Variants in PHC3 observed in about 807,000 individuals in gnomAD.
PHC3 encodes polyhomeotic homolog 3.
Under a neutral mutation model 107.4 loss-of-function variants are expected in PHC3, and 13 were observed. The ratio of observed to expected loss-of-function variants is 0.12; its 90% CI spans 0.08 to 0.19. PHC3 has a LOEUF of 0.19. PHC3 is among the 10% of genes least tolerant of loss of function. PHC3 has a pLI of 1.00. For synonymous variants in PHC3, 456 were observed against 427.4 expected (o/e 1.07, Z -0.83); for missense variants, 992 against 1,210.9 (o/e 0.82, Z 2.68).
chr3:170,099,591 T>G (rs181078128), intron 14 of PHC3, among the ~76,000 whole-genome samples: 110 of 152,256 alleles, frequency 7.2e-4, no homozygotes, highest in African/African-American at 2.6e-3. Context: ...TGAGCTAGCT[T>G]CACCTCACCA....
At chr3:170,136,817 G>A in intron 6 of PHC3, 152 bp from the exon 7 acceptor site, 1 of 766,572 alleles carries the variant, frequency 1.3e-6, no homozygotes, top group Non-Finnish European at 1.9e-6. Flanking sequence ...TAATCCTTAA[G>A]GAAAGGAGAG....
intron 2 of PHC3, among the ~76,000 whole-genome samples, chr3:170,174,962 C>T (rs1480401682): frequency 6.6e-6 from 1 of 152,150 alleles, no homozygotes; most frequent in African/African-American, 2.4e-5. Flanking sequence ...ACTGAAATAA[C>T]AATCTATTTG....
chr3:170,102,329 CAG>C (rs1257176173), intron 14 of PHC3, 148 bp downstream of exon 14: 4 of 1,448,128 alleles, frequency 2.8e-6, no homozygotes, highest in Non-Finnish European at 3.6e-6. Flanking sequence ...CAAGAGGAAA[CAG>C]ATCATATTTC....
At position 170,152,867 on chromosome 3, in the gene PHC3, G is replaced by A. The variant is rs570663774; in HGVS notation, c.415-3623C>T. On this transcript the variant is annotated intron_variant, in intron 4 of 14. Transcript: ENST00000495893. The stretch of plus-strand genomic sequence containing the variant: ...TGTAGAGACAGGGTTTCATCATGTT[G>A]CCCAAGCTTGCCTCAAACTCCTGGG... Among the ~76,000 whole-genome samples, 1,240 of 151,672 alleles carry A rather than the reference G, an allele frequency of 8.2e-3. 18 individuals carry two copies. The highest frequency in any genetic ancestry group is 0.028 in the African/African-American group (1,175 of 41,360).
intron 6 of PHC3, among the ~76,000 whole-genome samples, chr3:170,142,351 G>A (rs556172043): frequency 3.9e-5 from 6 of 152,036 alleles, no homozygotes; most frequent in African/African-American, 1.4e-4. Flanking sequence ...TCCAAAGTCC[G>A]TATTATAAAC....
intron 4 of PHC3, among the ~76,000 whole-genome samples, chr3:170,151,219 GTAA>G (rs1240504588): frequency 2.0e-5 from 3 of 151,802 alleles, no homozygotes; most frequent in African/African-American, 7.3e-5. Context: ...TCAAATACTA[GTAA>G]TAATAATAAT....
chr3:170,129,576 T>TAGTA, intron 7 of PHC3, 24 bp from the exon 8 acceptor site: 1 of 1,570,548 alleles, frequency 6.4e-7, no homozygotes, highest in East Asian at 2.2e-5. Flanking sequence ...AAATGACAAT[T>TAGTA]AGTACTGATT....
At chr3:170,123,981 G>C (rs113864138) in intron 8 of PHC3, among the ~76,000 whole-genome samples, 1 of 151,926 alleles carries the variant, frequency 6.6e-6, no homozygotes, top group East Asian at 2.0e-4. Context: ...CCGAGTAGCT[G>C]GGACTACAGG....
chr3:170,107,115 C>T lies in PHC3; in HGVS notation c.2354-169G>A, dbSNP rs550278787. 3.9e-5 allele frequency among the ~76,000 whole-genome samples: 6 copies of T among 152,322 alleles called. No homozygotes were observed. The South Asian group carries it at 8.3e-4, about 21-fold the overall frequency. On this transcript the variant is annotated intron_variant, in intron 11 of 14. Coordinates refer to ENST00000495893, the MANE Select transcript of PHC3 (RefSeq NM_024947.4). ...AGCCTTCAAAACACAACCACTGCTA[C>T]TAATTCCCTCTTGCTTCTGCATAAA...
chr3:170,146,705 G>A (rs1725023303), intron 5 of PHC3, among the ~76,000 whole-genome samples: 2 of 150,380 alleles, frequency 1.3e-5, no homozygotes, highest in African/African-American at 4.9e-5. Context: ...GCTAATTTTT[G>A]TATTATTAGT....
chr3:170,111,317 GGAACGAACGAAC>G (rs1252000410), intron 11 of PHC3, among the ~76,000 whole-genome samples: 2 of 107,516 alleles, frequency 1.9e-5, no homozygotes, highest in South Asian at 3.1e-4. Context: ...AAGGAAGGAA[GGAACGAACGAAC>G]GAAAGAACAA....
At chr3:170,135,115 G>A (rs573617620) in intron 7 of PHC3, among the ~76,000 whole-genome samples, 1 of 152,226 alleles carries the variant, frequency 6.6e-6, no homozygotes, top group South Asian at 2.1e-4. Flanking sequence ...CTTACCCGAT[G>A]AGGTTGCTGG....
intron 10 of PHC3, 94 bp from the exon 11 acceptor site, chr3:170,113,613 G>C (rs1317554829): frequency 8.2e-7 from 1 of 1,222,242 alleles, no homozygotes; most frequent in African/African-American, 1.5e-5. Flanking sequence ...AAACCTATTT[G>C]TGATAATTTA....
intron 7 of PHC3, 140 bp downstream of exon 7, chr3:170,136,279 T>C (rs1477903746): frequency 9.9e-7 from 1 of 1,009,878 alleles, no homozygotes; most frequent in Non-Finnish European, 1.4e-6. Flanking sequence ...AAGCTACACA[T>C]TAAGATTAAG....
At chr3:170,139,718 A>G (rs1560082519) in intron 6 of PHC3, among the ~76,000 whole-genome samples, 1 of 152,218 alleles carries the variant, frequency 6.6e-6, no homozygotes, top group Non-Finnish European at 1.5e-5. Flanking sequence ...TGACTTAAAC[A>G]TTGACATGGT....
intron 8 of PHC3, among the ~76,000 whole-genome samples, chr3:170,126,528 A>ATATATATATATATATATATATATAT (rs370421296): frequency 1.1e-4 from 10 of 90,618 alleles, no homozygotes; most frequent in African/African-American, 4.5e-4. Flanking sequence ...ATATATATAT[A>ATATATATATATATATATATATATAT]TTTTTTTTTT....
Position 170,181,703 on chromosome 3 carries a change from C to T in PHC3, c.13G>A (p.Glu5Lys). MAEA[E>K]FKDHSTAMDT... ...ATCAGTCACCATCTAGTCACTCACTCCGCTTCCGCCATCTTCTCTCCTCCA... is the reference window on the plus strand; with the variant it reads ...ATCAGTCACCATCTAGTCACTCACTTCGCTTCCGCCATCTTCTCTCCTCCA... Residue 5 changes from glutamate to lysine, a missense_variant and splice_region_variant, in exon 1 of 15, where the codon GAA becomes AAA. Transcript: ENST00000495893. 1.2e-6 allele frequency: 2 copies of T among 1,613,332 alleles called. No individual in the cohort carries two copies. The highest frequency in any genetic ancestry group is 4.5e-5 in the East Asian group (2 of 44,836).
intron 4 of PHC3, among the ~76,000 whole-genome samples, chr3:170,169,139 C>T (rs976668357): frequency 1.3e-5 from 2 of 152,058 alleles, no homozygotes; most frequent in South Asian, 4.2e-4. Flanking sequence ...TACACAGTTC[C>T]CCCAGGTGGT....
chr3:170,097,314 T>G lies in PHC3; in HGVS notation c.2904A>C (p.Glu968Asp). 6.2e-7 allele frequency: 1 copy of G among 1,613,660 alleles called. No individual in the cohort carries two copies. Among genetic ancestry groups the G allele is most frequent in the Non-Finnish European group, 8.5e-7 (1 of 1,179,644 alleles). ...IDGQALLLLKEDHLMSAMNIK... is the reference protein window; with the variant it reads ...IDGQALLLLKDDHLMSAMNIK... Reference sequence around the variant, plus strand: ...TATTCATTGCACTCATGAGATGGTCTTCTTTCAGCAAGAGAAGGGCCTGTC... The same window carrying G: ...TATTCATTGCACTCATGAGATGGTCGTCTTTCAGCAAGAGAAGGGCCTGTC... The change falls in exon 15 of 15, where the codon GAA becomes GAC. Residue 968 changes from glutamate (E) to aspartate (D), a missense_variant. Physicochemically the swap from Glu to Asp is conservative, Grantham distance 45. This residue lies in a region of PHC3 where 21 missense variants were observed against 52.5 expected (regional missense o/e 0.40). Coordinates refer to ENST00000495893, the MANE Select transcript of PHC3 (RefSeq NM_024947.4). This position sits in a 1 kb window ranked among gnomAD's most constrained non-coding sequence, Gnocchi z 4.1.
Sources: gnomAD v4.1 joint callset for allele counts (sites outside exome capture counted in the v4.1 genomes callset) on GRCh38, gnomAD v4.1.1 for gene constraint, gnomAD v4.1.1 regional missense constraint, Gnocchi (gnomAD v3.1) non-coding constraint, MANE v1.5 for transcripts, NCBI Gene and HGNC (gene_info 2026-07-23, HGNC 2026-07-21) for gene names.